The following NDUFAF2 variants were observed in gnomAD, a reference collection of about 807,000 sequenced individuals.
The protein encoded by NDUFAF2 is NADH dehydrogenase [ubiquinone] 1 alpha subcomplex assembly factor 2.
NDUFAF2 carries 13 observed loss-of-function variants against 22.8 expected under a neutral mutation model. The observed-to-expected ratio is 0.57, with a 90% CI of 0.37 to 0.91. NDUFAF2 has a LOEUF of 0.91. Among genes scored for constraint, NDUFAF2 ranks in the 40% least tolerant of loss-of-function variants. NDUFAF2 has a pLI of 0.01. For missense variants in NDUFAF2, 162 were observed against 195.2 expected (o/e 0.83, Z 1.01); for synonymous variants, 53 against 64.2 (o/e 0.83, Z 0.84).
intron 1 of NDUFAF2, among the ~76,000 whole-genome samples, chr5:60,978,170 G>C (rs1004168081): frequency 1.3e-5 from 2 of 152,128 alleles, no homozygotes; most frequent in Non-Finnish European, 2.9e-5. Flanking sequence ...AACTCAGCTG[G>C]TGCCCATTGA....
intron 1 of NDUFAF2, among the ~76,000 whole-genome samples, chr5:60,985,610 G>T (rs1179602850): frequency 6.6e-6 from 1 of 152,062 alleles, no homozygotes; most frequent in Non-Finnish European, 1.5e-5. Flanking sequence ...GTTCTCTTTG[G>T]TTTGAAAGAA....
intron 3 of NDUFAF2, among the ~76,000 whole-genome samples, chr5:61,147,124 C>T (rs955852919): frequency 6.6e-6 from 1 of 152,056 alleles, no homozygotes; most frequent in Non-Finnish European, 1.5e-5. Flanking sequence ...TTCGTCTTCA[C>T]CTCTTGATTA....
rs912289153 is a variant in NDUFAF2, at chr5:61,044,644, G to A, written c.128-28481G>A. ...GAAAAGCAGTTGACTGTAATATGTGGTTTTATTTTGGGGTTCTGTTTTCTG... is the reference window on the plus strand; with the variant it reads ...GAAAAGCAGTTGACTGTAATATGTGATTTTATTTTGGGGTTCTGTTTTCTG... On this transcript the variant is annotated intron_variant, in intron 1 of 3. Transcript: ENST00000296597. Among the ~76,000 whole-genome samples the A allele has an allele frequency of 5.3e-5, 8 of 152,198 alleles. No individual in the cohort carries two copies. In the South Asian group the frequency reaches 1.7e-3, roughly 32 times the overall value.
At chr5:61,083,476 C>G (rs1310486793) in intron 2 of NDUFAF2, 1 of 152,174 alleles carries the variant, frequency 6.6e-6, no homozygotes, top group Non-Finnish European at 1.5e-5. Flanking sequence ...CTGCCTCAGC[C>G]TCATGAGTAG....
At chr5:60,985,225 G>T (rs959727413) in intron 1 of NDUFAF2, among the ~76,000 whole-genome samples, 4 of 152,142 alleles carry the variant, frequency 2.6e-5, no homozygotes, top group Non-Finnish European at 4.4e-5. Context: ...GTATTTCTGT[G>T]GGATTGGTGG....
chr5:60,988,222 G>C (rs377497888), intron 1 of NDUFAF2, among the ~76,000 whole-genome samples: 1 of 152,090 alleles, frequency 6.6e-6, no homozygotes, highest in South Asian at 2.1e-4. Context: ...CAGCTAACTA[G>C]GGAGGTAAAA....
intron 1 of NDUFAF2, among the ~76,000 whole-genome samples, chr5:60,987,108 C>G (rs1264511456): frequency 1.3e-5 from 2 of 151,938 alleles, no homozygotes; most frequent in Admixed American, 6.6e-5. Context: ...ACCGCTGACC[C>G]CACAGAAATA....
rs1027984434 is a variant in NDUFAF2 at position 61,007,158 on chromosome 5, T to A, written c.127+61776T>A. Among the ~76,000 whole-genome samples, 4 of 151,978 alleles carry A rather than the reference T, an allele frequency of 2.6e-5. No individual in the cohort carries two copies. In the East Asian group the frequency reaches 7.7e-4, roughly 29 times the overall value. Reference sequence around the variant, plus strand: ...TGTCAATTTTGGCTTTTGTTGCCATTGCTTTTGGTGTTTTAGACATGAAGT... The same window carrying A: ...TGTCAATTTTGGCTTTTGTTGCCATAGCTTTTGGTGTTTTAGACATGAAGT... On this transcript the variant is annotated intron_variant, in intron 1 of 3. Coordinates refer to ENST00000296597, the MANE Select transcript of NDUFAF2 (RefSeq NM_174889.5).
At chr5:60,964,983 A>G (rs1245433840) in intron 1 of NDUFAF2, among the ~76,000 whole-genome samples, 1 of 152,044 alleles carries the variant, frequency 6.6e-6, no homozygotes, top group African/African-American at 2.4e-5. Context: ...TCCTCATGTT[A>G]TGGTTGTTGC....
At chr5:61,049,295 A>G (rs542529155) in intron 1 of NDUFAF2, among the ~76,000 whole-genome samples, 2 of 152,122 alleles carry the variant, frequency 1.3e-5, no homozygotes, top group Non-Finnish European at 2.9e-5. Flanking sequence ...AATCACAGGT[A>G]AAAGTTTTTA....
intron 1 of NDUFAF2, among the ~76,000 whole-genome samples, chr5:61,045,825 A>G (rs1253113491): frequency 2.0e-5 from 3 of 151,990 alleles, no homozygotes; most frequent in Admixed American, 1.3e-4. Context: ...TTTCTTGTCT[A>G]CTTGTTCTTT....
At chr5:61,040,286 A>ACACACACACACACACGCG (rs1491193758) in intron 1 of NDUFAF2, among the ~76,000 whole-genome samples, 1 of 93,074 alleles carries the variant, frequency 1.1e-5, no homozygotes, top group African/African-American at 4.3e-5. Context: ...ACACACACAC[A>ACACACACACACACACGCG]CGCGCGCGCG....
At chr5:61,147,256 C>CT (rs147027550) in intron 3 of NDUFAF2, among the ~76,000 whole-genome samples, 2,596 of 144,986 alleles carry the variant, frequency 0.018, 79 homozygotes, top group African/African-American at 0.062. Flanking sequence ...CTTTTGGAAG[C>CT]TTTTTTTTTT....
At chr5:61,087,846 T>A (rs1397278678) in intron 2 of NDUFAF2, among the ~76,000 whole-genome samples, 2 of 152,184 alleles carry the variant, frequency 1.3e-5, no homozygotes, top group Admixed American at 6.6e-5. Context: ...ACTGCTGATA[T>A]GCTCATTATG....
At chr5:61,019,537 A>G (rs113588412) in intron 1 of NDUFAF2, among the ~76,000 whole-genome samples, 85 of 152,262 alleles carry the variant, frequency 5.6e-4, no homozygotes, top group African/African-American at 2.0e-3. Flanking sequence ...CAATAAGTTC[A>G]TAACAAATTA....
chr5:61,052,202 T>C (rs1752032713), intron 1 of NDUFAF2, among the ~76,000 whole-genome samples: 1 of 151,716 alleles, frequency 6.6e-6, no homozygotes, highest in Non-Finnish European at 1.5e-5. Context: ...CTGCTCAATT[T>C]ATATTCCAAA....
At chr5:61,088,284 A>G (rs1752528294) in intron 2 of NDUFAF2, among the ~76,000 whole-genome samples, 1 of 152,088 alleles carries the variant, frequency 6.6e-6, no homozygotes. Flanking sequence ...TCACATGAGC[A>G]CATATATCCC....
intron 1 of NDUFAF2, among the ~76,000 whole-genome samples, chr5:60,985,248 T>C (rs968637419): frequency 3.3e-5 from 5 of 152,216 alleles, no homozygotes; most frequent in African/African-American, 9.6e-5. Context: ...ATATCCCCTT[T>C]ATCATTTTTT....
chr5:60,991,056 C>A (rs1194552365), intron 1 of NDUFAF2, among the ~76,000 whole-genome samples: 1 of 152,020 alleles, frequency 6.6e-6, no homozygotes, highest in Non-Finnish European at 1.5e-5. Flanking sequence ...ACAAAATAGA[C>A]CAATTAACAC....
Sources: allele counts gnomAD v4.1 joint callset (sites outside exome capture counted in the v4.1 genomes callset), GRCh38; gene constraint gnomAD v4.1.1; transcripts MANE v1.5; gene names NCBI Gene and HGNC (gene_info 2026-07-23, HGNC 2026-07-21).